REV3L: variants seen among roughly 807,000 people sequenced by gnomAD.
REV3L encodes DNA polymerase zeta catalytic subunit.
In REV3L, 69 loss-of-function variants were observed where a neutral mutation model predicts 299.4. The observed-to-expected ratio is 0.23, with a 90% CI of 0.19 to 0.28. The LOEUF (loss-of-function observed/expected upper bound fraction) is 0.28. Among genes scored for constraint, REV3L ranks in the 10% least tolerant of loss-of-function variants. REV3L has a pLI of 1.00. For missense variants in REV3L, 3,128 were observed against 3,693.8 expected, an observed-to-expected ratio of 0.85 and a Z score of 3.97; for synonymous variants, 1,238 against 1,271.4, an observed-to-expected ratio of 0.97 and a Z score of 0.56.
At chr6:111,304,488 A>G (rs1395086674) in intron 31 of REV3L, among the ~76,000 whole-genome samples, 1 of 152,156 alleles carries the variant, frequency 6.6e-6, no homozygotes, top group African/African-American at 2.4e-5. Flanking sequence ...TTTCTGCTTC[A>G]TTAAAAATTT....
chr6:111,429,020 T>G (rs181553012), intron 1 of REV3L, among the ~76,000 whole-genome samples: 11 of 152,130 alleles, frequency 7.2e-5, no homozygotes, highest in Non-Finnish European at 2.9e-5. Flanking sequence ...GTGCTCCAAC[T>G]TGTCTGGCAA....
chr6:111,475,390 A>G (rs1792820151), intron 1 of REV3L, among the ~76,000 whole-genome samples: 1 of 152,234 alleles, frequency 6.6e-6, no homozygotes, highest in Admixed American at 6.5e-5. Context: ...TGGAATTACT[A>G]GAACGAAATA....
In REV3L at chr6:111,367,323, C is replaced by A; in HGVS notation, c.6465G>T (p.Leu2155Phe). Residue 2155 changes from leucine to phenylalanine, a missense_variant, in exon 14 of 32, where the codon TTG becomes TTT. Around this residue, in one of 9 missense-constraint regions of REV3L, gnomAD observed 2,409 missense variants for 2,611.8 expected, o/e 0.92. Coordinates refer to ENST00000368802, the MANE Select transcript of REV3L (RefSeq NM_001372078.1). The stretch of plus-strand genomic sequence containing the variant: ...TTGGCTTTAAGAAGTTCTCAAAAGC[C>A]AATGAAGGCAGCTCCTCTACTGGTG... Reference protein sequence around the residue: ...PSSPVEELPSLAFENFLKPIK... With the variant: ...PSSPVEELPSFAFENFLKPIK... The A allele has an allele frequency of 6.2e-7, 1 of 1,607,818 alleles. No homozygotes were observed. The highest frequency in any genetic ancestry group is 8.5e-7 in the Non-Finnish European group (1 of 1,177,848).
intron 31 of REV3L, among the ~76,000 whole-genome samples, chr6:111,306,430 G>A (rs758366556): frequency 2.0e-5 from 3 of 152,244 alleles, no homozygotes; most frequent in Non-Finnish European, 2.9e-5. Flanking sequence ...ACAGAACGGA[G>A]ATGACTTATC....
intron 27 of REV3L, 45 bp from the exon 28 acceptor site, chr6:111,313,534 C>T: frequency 6.5e-7 from 1 of 1,541,836 alleles, no homozygotes. Context: ...CATTTCCCCC[C>T]ACCAAGAATG....
At chr6:111,462,263 C>T (rs751209095) in intron 1 of REV3L, among the ~76,000 whole-genome samples, 1 of 151,984 alleles carries the variant, frequency 6.6e-6, no homozygotes, top group Non-Finnish European at 1.5e-5. Flanking sequence ...GTATGAAATT[C>T]ATGGCAAACT....
Position 111,313,415 on chromosome 6 carries a change from G to A in REV3L, c.8541C>T (p.Asp2847=). The change falls in exon 28 of 32, where the codon GAC becomes GAT. Residue 2847 remains aspartate (D), a synonymous_variant. Transcript: ENST00000368802. ...GYMYETLDQK[D]PVFDAKGIET... is the part of the protein sequence containing the mutation. ...CTATTCCTTTTGCATCAAATACTGGGTCCTTCTGATCCAGTGTTTCATACA... is the reference window on the plus strand; with the variant it reads ...CTATTCCTTTTGCATCAAATACTGGATCCTTCTGATCCAGTGTTTCATACA... 1 of 1,612,200 alleles carries A rather than the reference G, an allele frequency of 6.2e-7. No homozygotes were observed. The highest frequency in any genetic ancestry group is 8.5e-7 in the Non-Finnish European group (1 of 1,178,970).
chr6:111,366,843 T>C (rs184317369), intron 14 of REV3L, among the ~76,000 whole-genome samples: 42 of 152,266 alleles, frequency 2.8e-4, no homozygotes, highest in Middle Eastern at 6.8e-3. Context: ...GACCTGGGTA[T>C]GTATAAAAGC....
At position 111,365,143 on chromosome 6, in the gene REV3L, A is replaced by G; in HGVS notation, c.6753+122T>C. ...TTGTTGTCTCAAAGATATGCAAATA[A>G]TGATGCAAAAATTTAAGTAACCAAA... On this transcript the variant is annotated intron_variant, in intron 15 of 31. Transcript: ENST00000368802. The G allele has an allele frequency of 6.7e-6, 4 of 595,494 alleles. No individual in the cohort carries two copies. The South Asian group carries it at 9.1e-5, about 14-fold the overall frequency. 36.9% of individuals were successfully genotyped at this position (595,494 alleles called of 1,614,324 possible). A position where few individuals can be genotyped will look rare whatever the true frequency, so the allele number is the denominator to read the frequency against.
intron 20 of REV3L, among the ~76,000 whole-genome samples, chr6:111,348,795 A>T (rs1242416719): frequency 1.3e-5 from 2 of 152,182 alleles, no homozygotes; most frequent in African/African-American, 4.8e-5. Flanking sequence ...GACCACAGGC[A>T]TGCGCCTCCA....
At chr6:111,418,795 A>G (rs1785023760) in intron 1 of REV3L, among the ~76,000 whole-genome samples, 1 of 152,184 alleles carries the variant, frequency 6.6e-6, no homozygotes, top group South Asian at 2.1e-4. Context: ...TCATGGCAAA[A>G]ACTCTTAGGG....
At chr6:111,352,669 TTTAAAAGGATGGTG>T (rs1777696742) in intron 18 of REV3L, among the ~76,000 whole-genome samples, 1 of 152,146 alleles carries the variant, frequency 6.6e-6, no homozygotes, top group African/African-American at 2.4e-5. Flanking sequence ...GTCCTTTAAA[TTTAAAAGGATGGTG>T]ATTCAACTTA....
chr6:111,440,739 T>G (rs1471221869), intron 1 of REV3L, among the ~76,000 whole-genome samples: 2 of 152,240 alleles, frequency 1.3e-5, no homozygotes, highest in Non-Finnish European at 2.9e-5. Flanking sequence ...TCCTTTTCTC[T>G]GGAGAACTTC....
At position 111,308,387 on chromosome 6, in the gene REV3L, A is replaced by G. The variant is rs536616193; in HGVS notation, c.9043-817T>C. ...ATATGTGCTCAGAACACTTAGTAAC[A>G]TATAGGTGGGCAAGATCATCTAACA... On this transcript the variant is annotated intron_variant, in intron 30 of 31. Coordinates refer to ENST00000368802, the MANE Select transcript of REV3L (RefSeq NM_001372078.1). 13 of 331,606 alleles carry G rather than the reference A, an allele frequency of 3.9e-5. No individual in the cohort carries two copies. In the East Asian group the frequency reaches 6.3e-4, roughly 16 times the overall value. 20.5% of individuals were successfully genotyped at this position (331,606 alleles called of 1,614,324 possible). A position where few individuals can be genotyped will look rare whatever the true frequency, so the allele number is the denominator to read the frequency against.
chr6:111,454,226 A>G (rs1789906704), intron 1 of REV3L, among the ~76,000 whole-genome samples: 1 of 151,970 alleles, frequency 6.6e-6, no homozygotes, highest in Middle Eastern at 3.4e-3. Flanking sequence ...TACAGGCTTG[A>G]GCTACTGTGC....
intron 1 of REV3L, among the ~76,000 whole-genome samples, chr6:111,426,532 T>C (rs777440683): frequency 1.3e-5 from 2 of 152,116 alleles, no homozygotes; most frequent in African/African-American, 2.4e-5. Flanking sequence ...CAGTAGGATA[T>C]AAATAACTCC....
intron 1 of REV3L, among the ~76,000 whole-genome samples, chr6:111,473,049 T>C (rs1792442659): frequency 6.6e-6 from 1 of 152,172 alleles, no homozygotes; most frequent in Non-Finnish European, 1.5e-5. Flanking sequence ...CCTCTTATTA[T>C]CACTATGATG....
chr6:111,445,196 G>T (rs935463647), intron 1 of REV3L, among the ~76,000 whole-genome samples: 19 of 152,174 alleles, frequency 1.2e-4, no homozygotes, highest in African/African-American at 4.1e-4. Flanking sequence ...TAACAAGAAT[G>T]CAGGTGGCAA....
At chr6:111,481,533 A>G (rs919390085) in intron 1 of REV3L, among the ~76,000 whole-genome samples, 1 of 152,250 alleles carries the variant, frequency 6.6e-6, no homozygotes, top group Non-Finnish European at 1.5e-5. Context: ...TTAAAAGATA[A>G]CTGCTTTAAA....
Sources: gnomAD v4.1 joint callset for allele counts (sites outside exome capture counted in the v4.1 genomes callset) on GRCh38, gnomAD v4.1.1 for gene constraint, gnomAD v4.1.1 regional missense constraint, MANE v1.5 for transcripts, NCBI Gene and HGNC (gene_info 2026-07-23, HGNC 2026-07-21) for gene names.